SH3GL2: variants seen among roughly 807,000 people sequenced by gnomAD.
SH3GL2 encodes endophilin-A1.
SH3GL2 carries 24 observed loss-of-function variants against 46.0 expected under a neutral mutation model. The observed-to-expected ratio is 0.52, with a 90% confidence interval of 0.38 to 0.73. SH3GL2 has a LOEUF of 0.73. SH3GL2 is among the 30% of genes least tolerant of loss of function. The pLI is 0.00. For synonymous variants in SH3GL2, 196 were observed against 147.1 expected, an observed-to-expected ratio of 1.33 and a Z score of -2.40; for missense variants, 413 against 424.2, an observed-to-expected ratio of 0.97 and a Z score of 0.23.
At chr9:17,707,926 T>C (rs1027312773) in intron 1 of SH3GL2, among the ~76,000 whole-genome samples, 33 of 152,030 alleles carry the variant, frequency 2.2e-4, no homozygotes, top group African/African-American at 7.7e-4. Context: ...CAAATCCAAA[T>C]AAAAGGTGAG....
rs570824341 is a variant in SH3GL2, at chr9:17,609,415, G to T, written c.45+30128G>T. 3.9e-5 allele frequency among the ~76,000 whole-genome samples: 6 copies of T among 152,124 alleles called. No individual in the cohort carries two copies. In the South Asian group the frequency reaches 1.2e-3, roughly 32 times the overall value. ...ACCCATAAAACTCTGAAAAGTACAG[G>T]GGTTGCAAATCATATGCGTGCGTAA... On this transcript the variant is annotated intron_variant, in intron 1 of 8. Coordinates refer to ENST00000380607, the MANE Select transcript of SH3GL2 (RefSeq NM_003026.5).
At chr9:17,710,822 C>G (rs893216117) in intron 1 of SH3GL2, among the ~76,000 whole-genome samples, 6 of 151,930 alleles carry the variant, frequency 3.9e-5, no homozygotes, top group Admixed American at 6.6e-5. Context: ...GTACAGCTCT[C>G]TCCTCTTATC....
intron 1 of SH3GL2, among the ~76,000 whole-genome samples, chr9:17,742,321 A>G (rs1822549681): frequency 6.6e-6 from 1 of 152,276 alleles, no homozygotes; most frequent in Admixed American, 6.5e-5. Context: ...ATTATTGGAA[A>G]GCAGGACAAC....
chr9:17,628,611 G>A (rs1819345795), intron 1 of SH3GL2, among the ~76,000 whole-genome samples: 1 of 152,100 alleles, frequency 6.6e-6, no homozygotes, highest in Non-Finnish European at 1.5e-5. Flanking sequence ...TGCCTTAGCA[G>A]CTGGCTTGGA....
At chr9:17,729,116 C>T (rs1345003887) in intron 1 of SH3GL2, among the ~76,000 whole-genome samples, 1 of 152,152 alleles carries the variant, frequency 6.6e-6, no homozygotes, top group Admixed American at 6.5e-5. Context: ...TCTCCATATC[C>T]TCTCCAGCAT....
At chr9:17,733,602 C>T (rs183600588) in intron 1 of SH3GL2, among the ~76,000 whole-genome samples, 1,600 of 150,770 alleles carry the variant, frequency 0.011, 17 homozygotes, top group Non-Finnish European at 0.017. Flanking sequence ...CCATTTGACC[C>T]AGCCATCCCA....
chr9:17,756,765 G>A (rs1426096983), intron 2 of SH3GL2, among the ~76,000 whole-genome samples: 1 of 152,020 alleles, frequency 6.6e-6, no homozygotes, highest in Non-Finnish European at 1.5e-5. Context: ...TTGCTGTTGT[G>A]AATAGTGCCG....
chr9:17,791,547 C>A (rs1824129812), intron 7 of SH3GL2, among the ~76,000 whole-genome samples: 1 of 152,070 alleles, frequency 6.6e-6, no homozygotes, highest in African/African-American at 2.4e-5. Flanking sequence ...TATGAGAGAT[C>A]GATACTTGGA....
chr9:17,781,610 A>C (rs1279441460), intron 3 of SH3GL2, among the ~76,000 whole-genome samples: 1 of 152,134 alleles, frequency 6.6e-6, no homozygotes, highest in Non-Finnish European at 1.5e-5. Context: ...GTATGTGTCT[A>C]TTCAGCTTTA....
chr9:17,689,315 A>G (rs1821009058), intron 1 of SH3GL2, among the ~76,000 whole-genome samples: 1 of 152,138 alleles, frequency 6.6e-6, no homozygotes, highest in African/African-American at 2.4e-5. Flanking sequence ...CGAAAACTAA[A>G]TATGTGGCAC....
intron 1 of SH3GL2, among the ~76,000 whole-genome samples, chr9:17,584,689 G>C (rs1394037165): frequency 6.6e-6 from 1 of 152,130 alleles, no homozygotes; most frequent in Non-Finnish European, 1.5e-5. Context: ...ATGAGGTAAT[G>C]CTTGTGAGAG....
intron 1 of SH3GL2, among the ~76,000 whole-genome samples, chr9:17,584,677 G>T (rs1035433408): frequency 6.6e-6 from 1 of 152,160 alleles, no homozygotes; most frequent in Non-Finnish European, 1.5e-5. Context: ...TGTCAGGATT[G>T]AATGAGGTAA....
intron 1 of SH3GL2, among the ~76,000 whole-genome samples, chr9:17,745,458 G>T (rs764304923): frequency 6.6e-6 from 1 of 152,064 alleles, no homozygotes; most frequent in Non-Finnish European, 1.5e-5. Context: ...TAACCGCTCT[G>T]TGTACCTATC....
intron 1 of SH3GL2, among the ~76,000 whole-genome samples, chr9:17,734,715 A>G (rs1355937403): frequency 6.6e-6 from 1 of 152,078 alleles, no homozygotes; most frequent in Non-Finnish European, 1.5e-5. Context: ...CCACATAATT[A>G]TATTATTTCA....
At position 17,792,284 on chromosome 9, in the gene SH3GL2, C is replaced by T. The variant is rs184078928; in HGVS notation, c.728+950C>T. Among the ~76,000 whole-genome samples the T allele has an allele frequency of 3.2e-3, 492 of 152,260 alleles. 2 individuals carry two copies. Among genetic ancestry groups the T allele is most frequent in the Admixed American group, 6.3e-3 (97 of 15,296 alleles). On this transcript the variant is annotated intron_variant, in intron 7 of 8. Coordinates refer to ENST00000380607, the MANE Select transcript of SH3GL2 (RefSeq NM_003026.5). ...TATGGAAATTTATGTAATGCTGAAGCCTCCAGAAAGGTTTTAAAACCATAT... is the reference window on the plus strand; with the variant it reads ...TATGGAAATTTATGTAATGCTGAAGTCTCCAGAAAGGTTTTAAAACCATAT...
intron 1 of SH3GL2, among the ~76,000 whole-genome samples, chr9:17,684,849 A>G (rs1250006335): frequency 6.6e-6 from 1 of 152,152 alleles, no homozygotes; most frequent in Non-Finnish European, 1.5e-5. Flanking sequence ...TCAAAATGAA[A>G]GAAAGCAAAT....
intron 1 of SH3GL2, among the ~76,000 whole-genome samples, chr9:17,703,586 A>C (rs904146727): frequency 6.6e-6 from 1 of 152,114 alleles, no homozygotes; most frequent in Admixed American, 6.6e-5. Context: ...CCAGTAGCAC[A>C]TCAAAAAGCT....
At chr9:17,646,287 A>G (rs1588202032) in intron 1 of SH3GL2, among the ~76,000 whole-genome samples, 1 of 152,096 alleles carries the variant, frequency 6.6e-6, no homozygotes, top group African/African-American at 2.4e-5. Flanking sequence ...CCTTTTATCA[A>G]AGTTCTTAGC....
intron 1 of SH3GL2, among the ~76,000 whole-genome samples, chr9:17,579,941 C>T (rs1184318407): frequency 6.6e-6 from 1 of 152,160 alleles, no homozygotes; most frequent in Non-Finnish European, 1.5e-5. Context: ...TAAATATTTC[C>T]CTAAAACAAC....
Sources: allele counts gnomAD v4.1 joint callset (sites outside exome capture counted in the v4.1 genomes callset), GRCh38; gene constraint gnomAD v4.1.1; transcripts MANE v1.5; gene names NCBI Gene and HGNC (gene_info 2026-07-23, HGNC 2026-07-21).